GSE1: variants seen among roughly 807,000 people sequenced by gnomAD.
The protein encoded by GSE1 is genetic suppressor element 1.
A neutral mutation model predicts 112.6 loss-of-function variants in GSE1; 32 were observed. That is an observed-to-expected ratio of 0.28 (90% CI 0.21 to 0.38). The LOEUF is 0.38. GSE1 is among the 10% of genes least tolerant of loss of function. The pLI, the probability that GSE1 is intolerant of heterozygous loss-of-function variation, is 1.00. For synonymous variants in GSE1, 1,115 were observed against 735.6 expected (o/e 1.52, Z -8.35); for missense variants, 2,348 against 1,699.2 (o/e 1.38, Z -6.71).
chr16:85,590,593 T>C lies in GSE1; in HGVS notation c.37+34230T>C, dbSNP rs1567622790. ...TGTGAATGAGTATGAACATGTGTGA[T>C]TGAGCATGTGTGACATTGTGTGCAT... is the stretch of plus-strand genomic sequence containing the variant. On this transcript the variant is annotated intron_variant, in intron 1 of 2. Coordinates refer to the GSE1 transcript ENST00000635906. Among the ~76,000 whole-genome samples, 4 of 148,282 alleles carry C rather than the reference T, an allele frequency of 2.7e-5. No individual in the cohort carries two copies. The East Asian group carries it at 8.2e-4, about 30-fold the overall frequency.
rs1370159247 is a variant in GSE1, at chr16:85,268,999, G to A, written c.2284-88464G>A. On this transcript the variant is annotated intron_variant, in intron 1 of 2. Coordinates refer to the GSE1 transcript ENST00000637419. ...GGCTGCAGAAAATGCCAGGAGGGAG[G>A]AAAGGATGGATCTGTGATGTCTTCT... Among the ~76,000 whole-genome samples, 3 of 140,776 alleles carry A rather than the reference G, an allele frequency of 2.1e-5. 1 individual carries two copies. Among genetic ancestry groups the A allele is most frequent in the Non-Finnish European group, 4.9e-5 (3 of 60,724 alleles). The allele number at this position is 140,776 out of a possible 152,430, so 92.4% of individuals were successfully genotyped here.
chr16:85,367,025 G>T (rs62048513), intron 2 of GSE1, among the ~76,000 whole-genome samples: 1 of 152,154 alleles, frequency 6.6e-6, no homozygotes, highest in Admixed American at 6.5e-5. Context: ...CTCTGCAGGG[G>T]CCACTGTGCC....
At chr16:85,562,282 G>T (rs1284460966) in intron 1 of GSE1, among the ~76,000 whole-genome samples, 2 of 152,232 alleles carry the variant, frequency 1.3e-5, no homozygotes, top group African/African-American at 4.8e-5. Context: ...GGTTCCATCT[G>T]TCGGCTGGGA....
intron 1 of GSE1, among the ~76,000 whole-genome samples, chr16:85,253,129 A>C (rs1300555958): frequency 6.2e-5 from 8 of 129,186 alleles, no homozygotes; most frequent in African/African-American, 2.3e-4. Context: ...TGACGGGGAG[A>C]GCATATGGCG....
chr16:85,190,767 G>A (rs2074803121), intron 1 of GSE1, among the ~76,000 whole-genome samples: 1 of 152,208 alleles, frequency 6.6e-6, no homozygotes, highest in Admixed American at 6.5e-5. Flanking sequence ...CAATTTGAGG[G>A]GCCATGGGAG....
intron 1 of GSE1, among the ~76,000 whole-genome samples, chr16:85,173,278 G>A (rs2074394712): frequency 6.6e-6 from 1 of 152,234 alleles, no homozygotes; most frequent in Non-Finnish European, 1.5e-5. Flanking sequence ...CACTCAGTCA[G>A]TAGGTATCTG....
At chr16:85,555,697 C>T (rs2045172554), upstream of GSE1, 5 of 615,562 alleles carry the variant, frequency 8.1e-6, no homozygotes, top group Non-Finnish European at 9.8e-6. Flanking sequence ...CTTTTTCCTT[C>T]TGGTTCTGAA....
chr16:85,401,533 G>A (rs548506072), intron 2 of GSE1, among the ~76,000 whole-genome samples: 2 of 152,318 alleles, frequency 1.3e-5, no homozygotes, highest in South Asian at 2.1e-4. Flanking sequence ...AGAATGAGCC[G>A]GCCCAGAGGG....
intron 2 of GSE1, among the ~76,000 whole-genome samples, chr16:85,418,229 G>A (rs560937494): frequency 6.6e-6 from 1 of 152,334 alleles, no homozygotes; most frequent in South Asian, 2.1e-4. Context: ...AATGTGCTCC[G>A]GGAAGCGTGC....
chr16:85,531,841 A>G (rs1197896848), intron 2 of GSE1, among the ~76,000 whole-genome samples: 2 of 152,072 alleles, frequency 1.3e-5, no homozygotes, highest in Non-Finnish European at 2.9e-5. Flanking sequence ...CACAAACCCA[A>G]CTGTGGACTT....
intron 1 of GSE1, among the ~76,000 whole-genome samples, chr16:85,253,562 C>G (rs1906746454): frequency 6.6e-6 from 1 of 152,192 alleles, no homozygotes; most frequent in South Asian, 2.1e-4. Flanking sequence ...GGAGGCCTCA[C>G]CCTCCCAGGG....
chr16:85,662,961 T>C lies in GSE1; in HGVS notation c.2261-20T>C, dbSNP rs778202827. 2.7e-6 allele frequency: 4 copies of C among 1,498,552 alleles called. No individual in the cohort carries two copies. Among genetic ancestry groups the C allele is most frequent in the Admixed American group, 1.7e-5 (1 of 59,868 alleles). The allele number at this position is 1,498,552 out of a possible 1,614,324, so 92.8% of individuals were successfully genotyped here. A position where few individuals can be genotyped will look rare whatever the true frequency, so the allele number is the denominator to read the frequency against. Reference sequence around the variant, plus strand: ...GATGAAGGCTCTTTGTCTGGCTGAATACAACCATTTCTCCATCAGGGTACT... The same window carrying C: ...GATGAAGGCTCTTTGTCTGGCTGAACACAACCATTTCTCCATCAGGGTACT... On this transcript the variant is annotated intron_variant, in intron 9 of 15. Transcript: ENST00000253458.
At chr16:85,421,425 C>T (rs549953925) in intron 2 of GSE1, among the ~76,000 whole-genome samples, 7 of 152,158 alleles carry the variant, frequency 4.6e-5, no homozygotes, top group Admixed American at 1.3e-4. Flanking sequence ...GGGGCTCCAC[C>T]GCCTCATTCA....
At position 85,663,019 on chromosome 16, in the gene GSE1, G is replaced by A. The variant is rs757749826; in HGVS notation, c.2299G>A (p.Asp767Asn). ...CCTCGATGACTCTTACGACGAGAGC[G>A]ATGAGGAGGAGGTCAGGGCCCACCT... is the stretch of plus-strand genomic sequence containing the variant. Reference protein sequence around the residue: ...YDLDDSYDESDEEEVRAHLRC... With the variant: ...YDLDDSYDESNEEEVRAHLRC... Residue 767 changes from aspartate to asparagine, a missense_variant, in exon 10 of 16, where the codon GAT (aspartate) becomes AAT (asparagine). Coordinates refer to ENST00000253458, the MANE Select transcript of GSE1 (RefSeq NM_014615.5). 2.6e-5 allele frequency: 42 copies of A among 1,613,052 alleles called. No individual in the cohort carries two copies. The highest frequency in any genetic ancestry group is 1.7e-4 in the Middle Eastern group (1 of 6,060).
chr16:85,563,911 C>T (rs1031043592), intron 1 of GSE1, among the ~76,000 whole-genome samples: 13 of 152,204 alleles, frequency 8.5e-5, no homozygotes, highest in Admixed American at 2.0e-4. Context: ...TGTTGCTTTT[C>T]GCACAGAACA....
At chr16:85,430,139 C>G (rs143834408) in intron 2 of GSE1, among the ~76,000 whole-genome samples, 9 of 152,216 alleles carry the variant, frequency 5.9e-5, no homozygotes, top group Non-Finnish European at 1.3e-4. Context: ...TGAGCACTTA[C>G]AACATCCCAG....
intron 2 of GSE1, among the ~76,000 whole-genome samples, chr16:85,492,204 C>T (rs969381460): frequency 5.9e-5 from 9 of 152,156 alleles, no homozygotes; most frequent in African/African-American, 1.2e-4. Flanking sequence ...TGATGGTGAG[C>T]GTGTTTGATC....
At chr16:85,625,276 C>G (rs1039672493) in intron 1 of GSE1, among the ~76,000 whole-genome samples, 1 of 152,232 alleles carries the variant, frequency 6.6e-6, no homozygotes, top group Non-Finnish European at 1.5e-5. Context: ...TCAAATGTTG[C>G]TGCCATCTGT....
chr16:85,171,836 A>G (rs2074363247), intron 1 of GSE1: 3 of 967,788 alleles, frequency 3.1e-6, no homozygotes, highest in Non-Finnish European at 3.7e-6. Flanking sequence ...CTCATCTTAG[A>G]CGCTTCCTCC....
Sources: gnomAD v4.1 joint callset for allele counts (sites outside exome capture counted in the v4.1 genomes callset) on GRCh38, gnomAD v4.1.1 for gene constraint, MANE v1.5 for transcripts, NCBI Gene and HGNC (gene_info 2026-07-23, HGNC 2026-07-21) for gene names.